The following TANC2 variants were observed in gnomAD, a reference collection of about 807,000 sequenced individuals.
TANC2 encodes the protein protein TANC2.
TANC2 carries 26 observed loss-of-function variants against 210.5 expected under a neutral mutation model. That is an observed-to-expected ratio of 0.12 (90% confidence interval 0.09 to 0.17). The LOEUF is 0.17. TANC2 is among the 10% of genes least tolerant of loss of function. The pLI, the probability that TANC2 is intolerant of heterozygous loss-of-function variation, is 1.00. For missense variants in TANC2, 2,129 were observed against 2,608.9 expected (o/e 0.82, Z 4.01); for synonymous variants, 931 against 967.1 (o/e 0.96, Z 0.69).
chr17:63,167,716 A>G (rs995918008), intron 5 of TANC2, among the ~76,000 whole-genome samples: 6 of 151,846 alleles, frequency 4.0e-5, no homozygotes, highest in African/African-American at 1.2e-4. Flanking sequence ...AATTAATAAG[A>G]ATCAAAGATT....
chr17:63,214,660 A>T (rs1455994592), intron 7 of TANC2, among the ~76,000 whole-genome samples: 2 of 152,160 alleles, frequency 1.3e-5, no homozygotes, highest in African/African-American at 4.8e-5. Context: ...GGCCTGTTTT[A>T]TACAGGTACT....
At position 63,373,057 on chromosome 17, in the gene TANC2, C is replaced by A. The variant is rs2319812; in HGVS notation, c.2583-6661C>A. Reference sequence around the variant, plus strand: ...GCACAGGCACATGCCACCACACCCGCCTAATTTTTTAAATTTTTTGTGGAG... The same window carrying A: ...GCACAGGCACATGCCACCACACCCGACTAATTTTTTAAATTTTTTGTGGAG... On this transcript the variant is annotated intron_variant, in intron 14 of 27. Coordinates refer to ENST00000689528, the Ensembl canonical transcript of TANC2. 2.2e-3 allele frequency among the ~76,000 whole-genome samples: 339 copies of A among 151,732 alleles called. 1 individual carries two copies. Among genetic ancestry groups the A allele is most frequent in the Middle Eastern group, 0.01 (3 of 294 alleles).
intron 8 of TANC2, among the ~76,000 whole-genome samples, chr17:63,256,671 C>T (rs1445846923): frequency 1.3e-5 from 2 of 152,156 alleles, no homozygotes; most frequent in Admixed American, 6.5e-5. Flanking sequence ...GATGATCTGT[C>T]CAATGCTGAC....
chr17:63,188,709 CTG>C (rs1469689521), intron 5 of TANC2, among the ~76,000 whole-genome samples: 1 of 151,986 alleles, frequency 6.6e-6, no homozygotes, highest in Non-Finnish European at 1.5e-5. Context: ...TTTGGGAAAA[CTG>C]GGTGATGGGT....
At chr17:63,288,074 A>G (rs2044279212) in intron 9 of TANC2, among the ~76,000 whole-genome samples, 1 of 152,154 alleles carries the variant, frequency 6.6e-6, no homozygotes, top group African/African-American at 2.4e-5. Context: ...TCTTGGATAG[A>G]TCTTTTCTCA....
exon 18 of TANC2, chr17:63,395,749 C>A (rs1396765568): frequency 6.2e-7 from 1 of 1,613,170 alleles, no homozygotes; most frequent in South Asian, 1.1e-5. Context: ...TTAGGTGGAT[C>A]ATTTGGATAA....
intron 2 of TANC2, among the ~76,000 whole-genome samples, chr17:63,050,223 G>A (rs1466846770): frequency 6.6e-6 from 1 of 151,910 alleles, no homozygotes; most frequent in East Asian, 1.9e-4. Flanking sequence ...ATAAAAATTA[G>A]CCAGGCCTGG....
chr17:63,239,837 G>A (rs1025200594), intron 8 of TANC2, among the ~76,000 whole-genome samples: 11 of 152,100 alleles, frequency 7.2e-5, no homozygotes, highest in Admixed American at 7.2e-4. Flanking sequence ...CTTGGCTTCT[G>A]AGGAGGCCTC....
At chr17:63,129,048 C>T (rs1345592857) in intron 4 of TANC2, among the ~76,000 whole-genome samples, 2 of 152,034 alleles carry the variant, frequency 1.3e-5, no homozygotes, top group East Asian at 1.9e-4. Flanking sequence ...GCCAGGGTCT[C>T]GCTCTGTCAC....
At chr17:63,285,936 C>A (rs2044207694) in intron 9 of TANC2, among the ~76,000 whole-genome samples, 1 of 152,072 alleles carries the variant, frequency 6.6e-6, no homozygotes, top group South Asian at 2.1e-4. Flanking sequence ...TCCTGAAATC[C>A]AAGTTCCCAG....
chr17:63,406,270 T>C (rs1409617776), exon 21 of TANC2: 1 of 1,613,660 alleles, frequency 6.2e-7, no homozygotes, highest in African/African-American at 1.3e-5. Flanking sequence ...ACTTTCTGCT[T>C]GCACAAGGTT....
intron 9 of TANC2, among the ~76,000 whole-genome samples, chr17:63,303,595 G>A (rs2044795794): frequency 2.0e-5 from 3 of 152,126 alleles, no homozygotes; most frequent in African/African-American, 4.8e-5. Context: ...GTCTCGTGGA[G>A]TATCTTACTG....
chr17:63,392,067 C>T (rs1459995624), intron 17 of TANC2, among the ~76,000 whole-genome samples: 1 of 152,084 alleles, frequency 6.6e-6, no homozygotes, highest in Non-Finnish European at 1.5e-5. Context: ...TCTCTGGCTG[C>T]CCCTCTCTTC....
intron 3 of TANC2, chr17:63,088,258 C>T (rs1052043623): frequency 2.2e-4 from 33 of 152,090 alleles, no homozygotes; most frequent in African/African-American, 7.7e-4. Context: ...TCCAGTGTGA[C>T]TTTTCATATC....
In TANC2 at chr17:63,420,730, A is replaced by T; in HGVS notation, c.5000A>T (p.Lys1667Ile). 3 of 1,613,958 alleles carry T rather than the reference A, an allele frequency of 1.9e-6. No individual in the cohort carries two copies. Among genetic ancestry groups the T allele is most frequent in the Non-Finnish European group, 2.5e-6 (3 of 1,179,882 alleles). Residue 1667 changes from lysine to isoleucine, a missense_variant, in exon 28 of 28, where the codon AAA becomes ATA. Lys to Ile is a moderately radical substitution (Grantham distance 102, BLOSUM62 -3). This residue lies in a region of TANC2 where 584 missense variants were observed against 627.3 expected (regional missense o/e 0.93). Coordinates refer to ENST00000689528, the Ensembl canonical transcript of TANC2. The surrounding 1 kb of genome is among the most constrained non-coding windows in gnomAD (Gnocchi z 4.2). ...GGCAGACCCAAATCTCCATTATCCA[A>T]AATGGCCCAGCGGCCCTACCAGATG...
At chr17:63,074,296 A>C (rs1351646719) in intron 3 of TANC2, among the ~76,000 whole-genome samples, 1 of 152,130 alleles carries the variant, frequency 6.6e-6, no homozygotes, top group Non-Finnish European at 1.5e-5. Context: ...AATGGATCCA[A>C]AAGTGAATTT....
chr17:63,111,372 AT>A (rs906280230), intron 4 of TANC2, among the ~76,000 whole-genome samples: 1 of 152,220 alleles, frequency 6.6e-6, no homozygotes, highest in Admixed American at 6.5e-5. Context: ...GTAGAAGGTG[AT>A]TCATAAATGA....
intron 11 of TANC2, among the ~76,000 whole-genome samples, chr17:63,322,370 C>T (rs1242515935): frequency 5.3e-5 from 8 of 152,096 alleles, no homozygotes; most frequent in South Asian, 2.1e-4. Flanking sequence ...TGGTGGCGGG[C>T]GCCTGTAGTC....
intron 4 of TANC2, among the ~76,000 whole-genome samples, chr17:63,110,086 C>A (rs977974475): frequency 2.0e-5 from 3 of 151,668 alleles, no homozygotes; most frequent in Non-Finnish European, 4.4e-5. Flanking sequence ...AATTACTCTT[C>A]CTTGTGACCC....
Sources: allele counts gnomAD v4.1 joint callset (sites outside exome capture counted in the v4.1 genomes callset), GRCh38; gene constraint gnomAD v4.1.1; regional missense constraint gnomAD v4.1.1; non-coding constraint Gnocchi (gnomAD v3.1); transcripts MANE v1.5; gene names NCBI Gene and HGNC (gene_info 2026-07-23, HGNC 2026-07-21).